The following RFC1 variants were observed in gnomAD, a reference collection of about 807,000 sequenced individuals.
RFC1 encodes A1 140 kDa subunit.
Under a neutral mutation model 137.4 loss-of-function variants are expected in RFC1, and 37 were observed. The ratio of observed to expected loss-of-function variants is 0.27; its 90% CI spans 0.21 to 0.35. The LOEUF is 0.35. Among genes scored for constraint, RFC1 ranks in the 10% least tolerant of loss-of-function variants. The pLI is 1.00. For synonymous variants in RFC1, 429 were observed against 455.7 expected (o/e 0.94, Z 0.75); for missense variants, 1,205 against 1,358.5 (o/e 0.89, Z 1.78).
chr4:39,319,813 G>A (rs975040645), intron 9 of RFC1, among the ~76,000 whole-genome samples: 4 of 152,198 alleles, frequency 2.6e-5, no homozygotes, highest in South Asian at 2.1e-4. Context: ...AGTGACTAAC[G>A]GGTGGGTAGT....
intron 2 of RFC1, among the ~76,000 whole-genome samples, chr4:39,346,318 A>T (rs1281798715): frequency 6.6e-6 from 1 of 152,154 alleles, no homozygotes; most frequent in Admixed American, 6.5e-5. Flanking sequence ...CTCTACTAAA[A>T]ATACAAAATT....
chr4:39,361,097 G>T (rs149608553), intron 1 of RFC1, among the ~76,000 whole-genome samples: 256 of 152,206 alleles, frequency 1.7e-3, no homozygotes, highest in Non-Finnish European at 2.7e-3. Context: ...AAATAATTGT[G>T]AAGTATTTAA....
In RFC1 at chr4:39,304,857, A is replaced by G; in HGVS notation, c.2067T>C (p.Val689=). 6.2e-7 allele frequency: 1 copy of G among 1,613,720 alleles called. No homozygotes were observed. The change falls in exon 15 of 25, where the codon GTT becomes GTC. Residue 689 remains valine, a synonymous_variant. Coordinates refer to ENST00000349703, the MANE Select transcript of RFC1 (RefSeq NM_002913.5). ...TGCTGGTATTGTTCAGTGACTCAGC[A>G]ACAATCGCCTTCAAACTGCTCTTAC... ...TRSKSSLKAI[V]AESLNNTSIK...
At chr4:39,318,854 G>A (rs1356225019) in intron 9 of RFC1, among the ~76,000 whole-genome samples, 1 of 152,190 alleles carries the variant, frequency 6.6e-6, no homozygotes, top group Non-Finnish European at 1.5e-5. Context: ...TAATGGTGAT[G>A]ACCAGTTAAA....
chr4:39,293,637 C>A (rs1347586940), intron 22 of RFC1, among the ~76,000 whole-genome samples: 1 of 151,892 alleles, frequency 6.6e-6, no homozygotes, highest in Non-Finnish European at 1.5e-5. Context: ...TAATAATGGC[C>A]TAAATATGAC....
chr4:39,334,129 T>C (rs1740241893), intron 4 of RFC1, among the ~76,000 whole-genome samples: 1 of 152,070 alleles, frequency 6.6e-6, no homozygotes. Context: ...AATTTCCCCA[T>C]ACTCCTTACA....
At position 39,291,850 on chromosome 4, in the gene RFC1, G is replaced by C. The variant is rs748376062; in HGVS notation, c.2957C>G (p.Thr986Ser). The C allele has an allele frequency of 6.2e-7, 1 of 1,612,796 alleles. No homozygotes were observed. Among genetic ancestry groups the C allele is most frequent in the Non-Finnish European group, 8.5e-7 (1 of 1,178,774 alleles). Residue 986 changes from threonine (T) to serine (S), a missense_variant and splice_region_variant, in exon 23 of 25, where the codon ACT (threonine) becomes AGT (serine). Physicochemically the swap from Thr to Ser is moderately conservative, Grantham distance 58. Around this residue, in one of 3 missense-constraint regions of RFC1, gnomAD observed 237 missense variants for 304.2 expected, o/e 0.78. Coordinates refer to ENST00000349703, the MANE Select transcript of RFC1 (RefSeq NM_002913.5). ...QDLALHMSLR[T>S]YSSKRTVNMD... ...GTTTACAGTCCTTTTGCTGGAGTAAGTTCTGAAACCACAACAAAAGAGACA... is the reference window on the plus strand; with the variant it reads ...GTTTACAGTCCTTTTGCTGGAGTAACTTCTGAAACCACAACAAAAGAGACA...
intron 1 of RFC1, among the ~76,000 whole-genome samples, chr4:39,365,987 G>A (rs1742004691): frequency 6.6e-6 from 1 of 152,196 alleles, no homozygotes; most frequent in Admixed American, 6.5e-5. Context: ...AAGAGTGGGG[G>A]GCGGGGGGAA....
At chr4:39,340,168 A>G (rs950308971) in intron 4 of RFC1, among the ~76,000 whole-genome samples, 3 of 152,360 alleles carry the variant, frequency 2.0e-5, no homozygotes, top group African/African-American at 7.2e-5. Context: ...GCTTTTAAAC[A>G]GTATACATGC....
At position 39,302,482 on chromosome 4, in the gene RFC1, G is replaced by C; in HGVS notation, c.2436+18C>G. On this transcript the variant is annotated intron_variant, in intron 18 of 24. Transcript: ENST00000349703. Reference sequence around the variant, plus strand: ...TAAAAATAATCAACAACTGTTACATGATATATATTTAATTTACCTGTCTGA... The same window carrying C: ...TAAAAATAATCAACAACTGTTACATCATATATATTTAATTTACCTGTCTGA... 1 of 1,530,490 alleles carries C rather than the reference G, an allele frequency of 6.5e-7. No homozygotes were observed. Among genetic ancestry groups the C allele is most frequent in the South Asian group, 1.1e-5 (1 of 88,808 alleles). 94.8% of individuals were successfully genotyped at this position (1,530,490 alleles called of 1,614,324 possible).
At position 39,304,799 on chromosome 4, in the gene RFC1, C is replaced by A. The variant is rs1198971050; in HGVS notation, c.2110+15G>T. ...TTCTTATATAACAACAACAGGAGGT[C>A]AAAAAGCCACATACTTGAATAAAAG... On this transcript the variant is annotated intron_variant, in intron 15 of 24. Coordinates refer to ENST00000349703, the MANE Select transcript of RFC1 (RefSeq NM_002913.5). 1 of 1,475,802 alleles carries A rather than the reference C, an allele frequency of 6.8e-7. No individual in the cohort carries two copies. The highest frequency in any genetic ancestry group is 9.5e-7 in the Non-Finnish European group (1 of 1,054,450). 91.4% of individuals were successfully genotyped at this position (1,475,802 alleles called of 1,614,324 possible). A position where few individuals can be genotyped will look rare whatever the true frequency, so the allele number is the denominator to read the frequency against.
intron 4 of RFC1, among the ~76,000 whole-genome samples, chr4:39,335,417 T>G (rs1740299557): frequency 6.6e-6 from 1 of 152,216 alleles, no homozygotes; most frequent in Non-Finnish European, 1.5e-5. Context: ...ACTGCTCATC[T>G]TCAATCAAGA....
At chr4:39,314,352 C>T (rs1346035373) in intron 10 of RFC1, among the ~76,000 whole-genome samples, 1 of 152,126 alleles carries the variant, frequency 6.6e-6, no homozygotes, top group Admixed American at 6.5e-5. Context: ...TATCCCATAT[C>T]CCAAACATCT....
At chr4:39,301,307 A>C (rs1235254919) in intron 19 of RFC1, among the ~76,000 whole-genome samples, 3 of 152,192 alleles carry the variant, frequency 2.0e-5, no homozygotes, top group African/African-American at 7.2e-5. Flanking sequence ...ATGAACAGGT[A>C]GAGCACAGAG....
intron 21 of RFC1, among the ~76,000 whole-genome samples, chr4:39,296,250 CTTTTTTT>C (rs10717106): frequency 7.5e-6 from 1 of 132,758 alleles, no homozygotes; most frequent in Non-Finnish European, 1.6e-5. Flanking sequence ...TTTTTTTTTT[CTTTTTTT>C]TTTTTTTATT....
chr4:39,345,595 A>G (rs1051869782), intron 2 of RFC1, 119 bp from the exon 3 acceptor site: 6 of 705,472 alleles, frequency 8.5e-6, no homozygotes, highest in African/African-American at 7.3e-5. Flanking sequence ...ATCTCGGCTC[A>G]CTGCAAGCTC....
At chr4:39,348,428 A>AAGGAAAGGAAAG (rs1491335995) in intron 2 of RFC1, among the ~76,000 whole-genome samples, 1 of 37,966 alleles carries the variant, frequency 2.6e-5, no homozygotes, top group Non-Finnish European at 6.5e-5. Flanking sequence ...GTTTCAAAAA[A>AAGGAAAGGAAAG]GAAAAGAAAA....
Position 39,288,499 on chromosome 4 carries a change from TAC to T in RFC1, c.*260_*261del, listed in dbSNP as rs886167511. ...CAGGTGTAGTTTCTAGTTCCAATTC[TAC>T]AGTCATTCAGAAGCACGTCTAACTA... On this transcript the variant is annotated 3_prime_UTR_variant, in exon 25 of 25. Transcript: ENST00000349703. 6.5e-6 allele frequency: 2 copies of T among 307,128 alleles called. No individual in the cohort carries two copies. Among genetic ancestry groups the T allele is most frequent in the South Asian group, 1.1e-4 (1 of 9,086 alleles). The allele number at this position is 307,128 out of a possible 1,614,324, so 19.0% of individuals were successfully genotyped here. A position where few individuals can be genotyped will look rare whatever the true frequency, so the allele number is the denominator to read the frequency against.
intron 6 of RFC1, among the ~76,000 whole-genome samples, chr4:39,323,985 C>CT (rs1359267797): frequency 6.6e-6 from 1 of 152,150 alleles, no homozygotes; most frequent in Non-Finnish European, 1.5e-5. Flanking sequence ...AGGAGTTCTA[C>CT]TAACATGCTA....
Sources: allele counts gnomAD v4.1 joint callset (sites outside exome capture counted in the v4.1 genomes callset), GRCh38; gene constraint gnomAD v4.1.1; regional missense constraint gnomAD v4.1.1; transcripts MANE v1.5; gene names NCBI Gene and HGNC (gene_info 2026-07-23, HGNC 2026-07-21).